LRCH2: variants seen among roughly 807,000 people sequenced by gnomAD.
LRCH2 encodes the protein leucine rich repeats and calponin homology domain containing 2.
Under a neutral mutation model 68.9 loss-of-function variants are expected in LRCH2, and 38 were observed. The ratio of observed to expected loss-of-function variants is 0.55; its 90% CI spans 0.43 to 0.72. The LOEUF (loss-of-function observed/expected upper bound fraction) is 0.72, where lower values mean the gene tolerates loss of function less well. Among genes scored for constraint, LRCH2 ranks in the 30% least tolerant of loss-of-function variants. The probability of loss-of-function intolerance (pLI) is 0.00; values close to 1 mark genes in which losing one functional copy is unlikely to be tolerated. For synonymous variants in LRCH2, 191 were observed against 208.1 expected (o/e 0.92, Z 0.71); for missense variants, 528 against 572.9 (o/e 0.92, Z 0.80).
chrX:115,132,175 G>T (rs1361038863), intron 14 of LRCH2, among the ~76,000 whole-genome samples: 1 of 111,748 alleles, frequency 8.9e-6, no homozygotes, highest in Non-Finnish European at 1.9e-5. Context: ...GTCCTGAAAG[G>T]TACTGCCTAG....
At chrX:115,147,353 T>C (rs1021445078) in intron 14 of LRCH2, among the ~76,000 whole-genome samples, 1 of 111,496 alleles carries the variant, frequency 9.0e-6, no homozygotes, top group African/African-American at 3.3e-5. Flanking sequence ...AGTTTTATAT[T>C]TTCTTGACAT....
chrX:115,117,786 AAAG>A (rs1358304141), intron 20 of LRCH2, among the ~76,000 whole-genome samples: 1 of 111,329 alleles, frequency 9.0e-6, no homozygotes, highest in Non-Finnish European at 1.9e-5. Flanking sequence ...GTTGCTGGAG[AAAG>A]AAGGATTGCA....
intron 1 of LRCH2, among the ~76,000 whole-genome samples, chrX:115,211,248 G>C (rs1400410324): frequency 1.3e-4 from 15 of 111,352 alleles, no homozygotes; most frequent in Admixed American, 1.1e-3. Flanking sequence ...GGAACTGGTG[G>C]GAAATAATTG....
In LRCH2 at chrX:115,112,073, A is replaced by G. The variant is rs2072047772; in HGVS notation, c.*1143T>C. On this transcript the variant is annotated 3_prime_UTR_variant, in exon 21 of 21. Coordinates refer to ENST00000317135, the MANE Select transcript of LRCH2 (RefSeq NM_020871.4). ...CACAGTATCTCATGAAAATATTTAT[A>G]GAAGAGTCTGTGTTTAATTTAACAT... The G allele has an allele frequency of 8.9e-6, 1 of 112,130 alleles. No homozygotes were observed. The highest frequency in any genetic ancestry group is 1.9e-5 in the Non-Finnish European group (1 of 53,086). 9.2% of individuals were successfully genotyped at this position (112,130 alleles called of 1,213,427 possible).
chrX:115,166,137 C>A, intron 7 of LRCH2, 118 bp downstream of exon 7: 1 of 647,176 alleles, frequency 1.5e-6, no homozygotes, highest in South Asian at 2.9e-5. Context: ...CAGTTTTAGT[C>A]ATAAAATATA....
intron 14 of LRCH2, among the ~76,000 whole-genome samples, chrX:115,146,951 ACACACACAT>A: frequency 9.3e-6 from 1 of 107,950 alleles, no homozygotes; most frequent in African/African-American, 3.4e-5. Flanking sequence ...ACACACACAC[ACACACACAT>A]TCAATAAATA....
At chrX:115,127,740 A>G (rs1556528564) in intron 15 of LRCH2, among the ~76,000 whole-genome samples, 2 of 111,520 alleles carry the variant, frequency 1.8e-5, no homozygotes, top group Admixed American at 9.7e-5. Context: ...AAAGAAGGGA[A>G]CAACATGCTA....
intron 1 of LRCH2, among the ~76,000 whole-genome samples, chrX:115,197,163 AT>A (rs1179957029): frequency 8.9e-6 from 1 of 112,149 alleles, no homozygotes; most frequent in Non-Finnish European, 1.9e-5. Flanking sequence ...CGTGAAAGTT[AT>A]TTTTTTAAAA....
At chrX:115,222,115 A>T (rs781889486) in intron 1 of LRCH2, among the ~76,000 whole-genome samples, 19 of 111,359 alleles carry the variant, frequency 1.7e-4, no homozygotes, top group Admixed American at 4.8e-4. Context: ...AAAACCAAAC[A>T]ATATTATATA....
intron 1 of LRCH2, among the ~76,000 whole-genome samples, chrX:115,226,509 G>A (rs782263523): frequency 4.5e-5 from 5 of 111,292 alleles, no homozygotes; most frequent in Admixed American, 2.9e-4. Flanking sequence ...AATTTAAGTT[G>A]AAGAAAACTT....
chrX:115,222,654 C>T (rs1390987694), intron 1 of LRCH2, among the ~76,000 whole-genome samples: 1 of 111,580 alleles, frequency 9.0e-6, no homozygotes, highest in Non-Finnish European at 1.9e-5. Context: ...ACATCAAAAA[C>T]TAAAAATAGG....
At chrX:115,190,399 C>G in intron 1 of LRCH2, 5 of 1,163,629 alleles carry the variant, frequency 4.3e-6, no homozygotes, top group Non-Finnish European at 5.7e-6. Context: ...GTGGGGGACA[C>G]CGCCATCTTA....
At chrX:115,141,633 A>AG (rs1199141442) in intron 14 of LRCH2, among the ~76,000 whole-genome samples, 2 of 110,114 alleles carry the variant, frequency 1.8e-5, no homozygotes, top group Non-Finnish European at 3.8e-5. Context: ...GGTGAGGCCG[A>AG]GGGGGGTGGA....
At chrX:115,214,356 A>G (rs2073028288) in intron 1 of LRCH2, among the ~76,000 whole-genome samples, 1 of 112,132 alleles carries the variant, frequency 8.9e-6, no homozygotes, top group African/African-American at 3.2e-5. Context: ...CTGATGGGAA[A>G]TGACAACCCC....
intron 11 of LRCH2, among the ~76,000 whole-genome samples, chrX:115,163,165 G>A (rs5987858): frequency 0.016 from 1,799 of 111,337 alleles, 40 homozygotes; most frequent in African/African-American, 0.055. Context: ...ATCAACTCTT[G>A]CAAAATTCAA....
At chrX:115,149,390 A>T (rs782528002) in intron 14 of LRCH2, among the ~76,000 whole-genome samples, 1 of 111,909 alleles carries the variant, frequency 8.9e-6, no homozygotes, top group African/African-American at 3.2e-5. Context: ...TAAGGTAACA[A>T]GAAGAAAAAA....
Position 115,125,913 on chromosome X carries a change from A to T in LRCH2, c.1791+930T>A, listed in dbSNP as rs185060114. Among the ~76,000 whole-genome samples the T allele has an allele frequency of 2.4e-4, 26 of 109,517 alleles. No homozygotes were observed. In the East Asian group the frequency reaches 7.5e-3, roughly 31 times the overall value. Reference sequence around the variant, plus strand: ...CCTATCATATGAATAATTTAGAAACATGTTTATAAAATTAATGTCCAAATC... The same window carrying T: ...CCTATCATATGAATAATTTAGAAACTTGTTTATAAAATTAATGTCCAAATC... On this transcript the variant is annotated intron_variant, in intron 16 of 20. Transcript: ENST00000317135.
At chrX:115,142,188 G>A (rs1556534565) in intron 14 of LRCH2, among the ~76,000 whole-genome samples, 1 of 111,885 alleles carries the variant, frequency 8.9e-6, no homozygotes, top group East Asian at 2.8e-4. Context: ...TGGAGCTCAA[G>A]AGAGATAGAT....
intron 2 of LRCH2, among the ~76,000 whole-genome samples, chrX:115,187,660 G>A (rs1214521028): frequency 8.9e-6 from 1 of 112,129 alleles, no homozygotes; most frequent in Non-Finnish European, 1.9e-5. Flanking sequence ...AAAGCGTTTG[G>A]AACACTGACT....
Sources: allele counts gnomAD v4.1 joint callset (sites outside exome capture counted in the v4.1 genomes callset), GRCh38; gene constraint gnomAD v4.1.1; transcripts MANE v1.5; gene names NCBI Gene and HGNC (gene_info 2026-07-23, HGNC 2026-07-21).